PCDH11X: variants seen among roughly 807,000 people sequenced by gnomAD.
The protein encoded by PCDH11X is protocadherin 11 X-linked, also known as protocadherin-11 X-linked.
PCDH11X carries 18 observed loss-of-function variants against 53.3 expected under a neutral mutation model. The ratio of observed to expected loss-of-function variants is 0.34; its 90% CI spans 0.23 to 0.50. The LOEUF (loss-of-function observed/expected upper bound fraction) is 0.50. Ranked by LOEUF, PCDH11X falls within the 20% of genes least tolerant of loss-of-function variation. The pLI is 0.98. For synonymous variants in PCDH11X, 279 were observed against 393.3 expected, an observed-to-expected ratio of 0.71 and a Z score of 3.44; for missense variants, 570 against 1,032.4, an observed-to-expected ratio of 0.55 and a Z score of 6.14.
intron 6 of PCDH11X, among the ~76,000 whole-genome samples, chrX:92,096,554 T>C (rs2064139792): frequency 9.2e-6 from 1 of 109,162 alleles, no homozygotes; most frequent in African/African-American, 3.3e-5. Flanking sequence ...AGACATACCT[T>C]TATGTCTGGG....
At chrX:91,902,724 C>T (rs1376437714) in intron 6 of PCDH11X, among the ~76,000 whole-genome samples, 1 of 109,061 alleles carries the variant, frequency 9.2e-6, no homozygotes, top group African/African-American at 3.3e-5. Context: ...GATTGATTCC[C>T]TTCAACTTCC....
In PCDH11X at chrX:92,252,969, G is replaced by A. The variant is rs2067488966; in HGVS notation, c.3115-10145G>A. Among the ~76,000 whole-genome samples the A allele has an allele frequency of 2.7e-5, 3 of 110,613 alleles. No individual in the cohort carries two copies. In the South Asian group the frequency reaches 1.2e-3, roughly 42 times the overall value. ...CACAAGGATACACACTCTGTAACCA[G>A]CAGGAATACACAAGAAAGATGTACT... On this transcript the variant is annotated intron_variant, in intron 7 of 10. Transcript: ENST00000682573.
chrX:91,994,661 C>T (rs1197216287), intron 6 of PCDH11X, among the ~76,000 whole-genome samples: 1 of 109,073 alleles, frequency 9.2e-6, no homozygotes, highest in East Asian at 2.9e-4. Context: ...GGAAATTCCC[C>T]AGAAGTGGGA....
chrX:92,310,996 C>T (rs1198674305), intron 8 of PCDH11X, among the ~76,000 whole-genome samples: 7 of 111,359 alleles, frequency 6.3e-5, no homozygotes, highest in Non-Finnish European at 1.3e-4. Context: ...TTGAGTTTTC[C>T]GAGTAACCCA....
chrX:92,175,756 A>ATGTGTGTG (rs751094829), intron 6 of PCDH11X, among the ~76,000 whole-genome samples: 1,730 of 70,903 alleles, frequency 0.024, 27 homozygotes, highest in Non-Finnish European at 0.028. Context: ...GTATACATAT[A>ATGTGTGTG]TGTGTGTGTG....
intron 6 of PCDH11X, among the ~76,000 whole-genome samples, chrX:92,046,653 A>AT (rs34167474): frequency 7.3e-4 from 79 of 108,623 alleles, no homozygotes; most frequent in Middle Eastern, 4.7e-3. Flanking sequence ...AAATGGTACT[A>AT]TTTTTTTTTA....
intron 8 of PCDH11X, among the ~76,000 whole-genome samples, chrX:92,286,265 A>T (rs2068369114): frequency 9.2e-6 from 1 of 108,425 alleles, no homozygotes; most frequent in African/African-American, 3.4e-5. Flanking sequence ...TTTGCTTCTC[A>T]TCAATGAGCC....
chrX:92,061,817 A>G (rs1341789077), intron 6 of PCDH11X, among the ~76,000 whole-genome samples: 1 of 111,648 alleles, frequency 9.0e-6, no homozygotes, highest in Non-Finnish European at 1.9e-5. Flanking sequence ...TTTTAGTTTC[A>G]TATAAATTTA....
At chrX:91,922,282 A>T (rs1281102155) in intron 6 of PCDH11X, among the ~76,000 whole-genome samples, 10 of 112,001 alleles carry the variant, frequency 8.9e-5, no homozygotes, top group Non-Finnish European at 1.1e-4. Context: ...AGATTAGGAA[A>T]CTGAAGTCTA....
intron 10 of PCDH11X, among the ~76,000 whole-genome samples, chrX:92,614,827 G>T (rs1927794697): frequency 8.9e-6 from 1 of 111,774 alleles, no homozygotes; most frequent in African/African-American, 3.3e-5. Context: ...CCTAATCCAG[G>T]TCGGAGAGCG....
chrX:92,133,948 G>A (rs1042941217), intron 6 of PCDH11X, among the ~76,000 whole-genome samples: 2 of 111,645 alleles, frequency 1.8e-5, no homozygotes, highest in African/African-American at 6.5e-5. Flanking sequence ...AGGGAGACAT[G>A]AGCCTTCTAT....
chrX:91,818,801 T>C (rs1331046289), intron 4 of PCDH11X, among the ~76,000 whole-genome samples: 3 of 111,471 alleles, frequency 2.7e-5, no homozygotes, highest in African/African-American at 9.8e-5. Flanking sequence ...ATTTCAACTA[T>C]TGTTTAGTAT....
At chrX:92,588,140 G>C (rs910896690) in intron 10 of PCDH11X, among the ~76,000 whole-genome samples, 1 of 93,901 alleles carries the variant, frequency 1.1e-5, no homozygotes, top group Non-Finnish European at 2.1e-5. Flanking sequence ...GAGTTAATTT[G>C]TGATGGTCCC....
chrX:92,152,939 A>G (rs771109913), intron 6 of PCDH11X, among the ~76,000 whole-genome samples: 1,171 of 107,773 alleles, frequency 0.011, 11 homozygotes, highest in African/African-American at 0.038. Flanking sequence ...CTGGTATTAC[A>G]GGCACCTGGC....
Position 91,872,128 on chromosome X carries a change from CT to C in PCDH11X, c.541-4649del, listed in dbSNP as rs1207619373. On this transcript the variant is annotated intron_variant, in intron 5 of 10. Coordinates refer to ENST00000682573, the MANE Select transcript of PCDH11X (RefSeq NM_032968.5). ...GTTTGACAGATGTAGGGTTTTGCAT[CT>C]TTTCAATAATGCACTGGCTACATAC... Among the ~76,000 whole-genome samples, 3 of 110,030 alleles carry C rather than the reference CT, an allele frequency of 2.7e-5. No individual in the cohort carries two copies. The Admixed American group carries it at 2.9e-4, about 11-fold the overall frequency.
At chrX:92,561,697 T>G (rs2075133753) in intron 10 of PCDH11X, among the ~76,000 whole-genome samples, 1 of 109,561 alleles carries the variant, frequency 9.1e-6, no homozygotes, top group African/African-American at 3.3e-5. Context: ...GTTATTGGCC[T>G]TAAAGGGGAG....
intron 7 of PCDH11X, among the ~76,000 whole-genome samples, chrX:92,212,715 A>G (rs183836783): frequency 8.9e-6 from 1 of 112,536 alleles, no homozygotes; most frequent in East Asian, 2.8e-4. Flanking sequence ...AAAATAATAC[A>G]AAGTTTTCCA....
At chrX:92,355,442 A>G (rs1358711511) in intron 8 of PCDH11X, among the ~76,000 whole-genome samples, 5 of 96,692 alleles carry the variant, frequency 5.2e-5, no homozygotes, top group African/African-American at 2.0e-4. Context: ...AAAAAAAAAA[A>G]AAAAAAGAAA....
intron 6 of PCDH11X, among the ~76,000 whole-genome samples, chrX:91,946,557 T>TTA (rs1450185343): frequency 2.6e-5 from 1 of 38,854 alleles, no homozygotes; most frequent in African/African-American, 1.0e-4. Context: ...CCTGTTTCCC[T>TTA]CATATATATA....
Sources: gnomAD v4.1 joint callset for allele counts (sites outside exome capture counted in the v4.1 genomes callset) on GRCh38, gnomAD v4.1.1 for gene constraint, MANE v1.5 for transcripts, NCBI Gene and HGNC (gene_info 2026-07-23, HGNC 2026-07-21) for gene names.